Variants in PRICKLE2 observed in about 807,000 individuals in gnomAD.
PRICKLE2 encodes the protein prickle-like protein 2.
A neutral mutation model predicts 81.4 loss-of-function variants in PRICKLE2; 21 were observed. The observed-to-expected ratio is 0.26, with a 90% CI of 0.18 to 0.37. PRICKLE2 has a LOEUF of 0.37. Among genes scored for constraint, PRICKLE2 ranks in the 10% least tolerant of loss-of-function variants. The pLI, the probability that PRICKLE2 is intolerant of heterozygous loss-of-function variation, is 1.00. For missense variants in PRICKLE2, 940 were observed against 1,109.0 expected, an observed-to-expected ratio of 0.85 and a Z score of 2.16; for synonymous variants, 456 against 421.5, an observed-to-expected ratio of 1.08 and a Z score of -1.00.
At chr3:64,218,130 C>A (rs1468187861) in intron 1 of PRICKLE2, among the ~76,000 whole-genome samples, 1 of 152,114 alleles carries the variant, frequency 6.6e-6, no homozygotes, top group Non-Finnish European at 1.5e-5. Context: ...ATAGCCAAAA[C>A]CTCAGTTAAC....
chr3:64,178,191 T>C (rs1559558946), intron 2 of PRICKLE2, among the ~76,000 whole-genome samples: 2 of 152,234 alleles, frequency 1.3e-5, no homozygotes, highest in African/African-American at 4.8e-5. Flanking sequence ...CAGCCGACCG[T>C]ATATTGTCTT....
intron 2 of PRICKLE2, among the ~76,000 whole-genome samples, chr3:64,250,359 G>T (rs1270380674): frequency 1.3e-5 from 2 of 152,192 alleles, no homozygotes; most frequent in Non-Finnish European, 2.9e-5. Context: ...GACAATAAAA[G>T]ATGTCTCCAG....
chr3:64,115,102 G>C (rs1222435459), intron 7 of PRICKLE2, among the ~76,000 whole-genome samples: 1 of 152,100 alleles, frequency 6.6e-6, no homozygotes, highest in Non-Finnish European at 1.5e-5. Flanking sequence ...GCCAAACTAA[G>C]ATTCATAAGC....
chr3:64,106,956 A>G (rs2076765895), intron 7 of PRICKLE2, among the ~76,000 whole-genome samples: 2 of 152,248 alleles, frequency 1.3e-5, no homozygotes, highest in African/African-American at 4.8e-5. Context: ...TTCCCTCTCA[A>G]GCAGAGCTCT....
In PRICKLE2 at chr3:64,095,352, G is replaced by A. The variant is rs1044740155; in HGVS notation, c.*3699C>T. 4 of 152,114 alleles carry A rather than the reference G, an allele frequency of 2.6e-5. No homozygotes were observed. Among genetic ancestry groups the A allele is most frequent in the Non-Finnish European group, 4.4e-5 (3 of 68,020 alleles). The allele number at this position is 152,114 out of a possible 1,614,324, so 9.4% of individuals were successfully genotyped here. ...GCTTCCTAAACTGTTTTTGTTCTAC[G>A]GCAAGAGAACCAAGAGTGGAAAGAC... On this transcript the variant is annotated 3_prime_UTR_variant, in exon 8 of 8. Transcript: ENST00000638394.
At chr3:64,256,557 C>A (rs2107185178) in intron 2 of PRICKLE2, among the ~76,000 whole-genome samples, 1 of 152,242 alleles carries the variant, frequency 6.6e-6, no homozygotes, top group Admixed American at 6.5e-5. Flanking sequence ...TGCTGCTGAT[C>A]ATAAAGAAAA....
intron 1 of PRICKLE2, among the ~76,000 whole-genome samples, chr3:64,214,946 T>C (rs1435641861): frequency 6.6e-6 from 1 of 152,116 alleles, no homozygotes; most frequent in Non-Finnish European, 1.5e-5. Context: ...CACCTCTATC[T>C]TTACTATCCT....
intron 7 of PRICKLE2, among the ~76,000 whole-genome samples, chr3:64,142,905 T>C (rs2077385908): frequency 6.6e-6 from 1 of 152,180 alleles, no homozygotes; most frequent in Admixed American, 6.5e-5. Flanking sequence ...AATTGAGTTT[T>C]GCAGAGTTTA....
intron 5 of PRICKLE2, among the ~76,000 whole-genome samples, chr3:64,155,546 CAA>C (rs1346583698): frequency 6.6e-6 from 1 of 152,126 alleles, no homozygotes; most frequent in African/African-American, 2.4e-5. Context: ...GGTATACACT[CAA>C]GAGAACTAAA....
rs545276031 is a variant in PRICKLE2, at chr3:64,127,654, G to A, written c.1660+19176C>T. ...TGGGGAGCTCTTCTGCCTCCCAGGT[G>A]CAAAAGCAAGACTGTACCCAGCGTC... On this transcript the variant is annotated intron_variant, in intron 7 of 7. Transcript: ENST00000638394. 2.6e-5 allele frequency among the ~76,000 whole-genome samples: 4 copies of A among 152,094 alleles called. No individual in the cohort carries two copies. The South Asian group carries it at 8.3e-4, about 32-fold the overall frequency.
At chr3:64,202,614 T>C (rs2078604618) in intron 1 of PRICKLE2, among the ~76,000 whole-genome samples, 3 of 150,146 alleles carry the variant, frequency 2.0e-5, no homozygotes, top group African/African-American at 7.3e-5. Context: ...TAAAATCATT[T>C]ATTAGTTGTA....
chr3:64,205,971 T>C (rs1217657126), intron 1 of PRICKLE2, among the ~76,000 whole-genome samples: 2 of 152,196 alleles, frequency 1.3e-5, no homozygotes, highest in Admixed American at 6.5e-5. Flanking sequence ...AAGTCATTTC[T>C]AGCATGTGCC....
At chr3:64,140,707 G>A (rs1341547061) in intron 7 of PRICKLE2, among the ~76,000 whole-genome samples, 1 of 152,160 alleles carries the variant, frequency 6.6e-6, no homozygotes, top group African/African-American at 2.4e-5. Context: ...CCAGGCACCA[G>A]CCCCTGGACC....
At chr3:64,133,463 C>T (rs2077228613) in intron 7 of PRICKLE2, among the ~76,000 whole-genome samples, 1 of 152,118 alleles carries the variant, frequency 6.6e-6, no homozygotes, top group African/African-American at 2.4e-5. Flanking sequence ...ACTGTACTCT[C>T]CTCATTGTCT....
At chr3:64,164,261 C>T (rs558044755) in intron 2 of PRICKLE2, among the ~76,000 whole-genome samples, 98 of 152,286 alleles carry the variant, frequency 6.4e-4, no homozygotes, top group African/African-American at 2.1e-3. Flanking sequence ...CCTGTAATCC[C>T]AGCTACTCAG....
rs928045552 is a variant in PRICKLE2, at chr3:64,145,285, A to T, written c.1660+1545T>A. ...CAGCTAATTTATATATATATATATAATATATTTGTATATATTATATCATAT... is the reference window on the plus strand; with the variant it reads ...CAGCTAATTTATATATATATATATATTATATTTGTATATATTATATCATAT... On this transcript the variant is annotated intron_variant, in intron 7 of 7. Coordinates refer to ENST00000638394, the MANE Select transcript of PRICKLE2 (RefSeq NM_198859.4). 9.6e-5 allele frequency: 14 copies of T among 146,290 alleles called. No individual in the cohort carries two copies. In the Admixed American group the frequency reaches 9.7e-4, roughly 10 times the overall value. 9.1% of individuals were successfully genotyped at this position (146,290 alleles called of 1,614,324 possible). A position where few individuals can be genotyped will look rare whatever the true frequency, so the allele number is the denominator to read the frequency against.
At chr3:64,115,098 C>T (rs1248317869) in intron 7 of PRICKLE2, among the ~76,000 whole-genome samples, 1 of 152,118 alleles carries the variant, frequency 6.6e-6, no homozygotes, top group Non-Finnish European at 1.5e-5. Flanking sequence ...TCCGGCCAAA[C>T]TAAGATTCAT....
chr3:64,116,033 C>G (rs2076929175), intron 7 of PRICKLE2, among the ~76,000 whole-genome samples: 1 of 152,020 alleles, frequency 6.6e-6, no homozygotes, highest in Non-Finnish European at 1.5e-5. Context: ...GAAATCAAGA[C>G]TAAGAAATTC....
At chr3:64,197,774 A>G (rs2078484636) in intron 2 of PRICKLE2, among the ~76,000 whole-genome samples, 1 of 152,154 alleles carries the variant, frequency 6.6e-6, no homozygotes, top group Admixed American at 6.5e-5. Context: ...TGGGTGATGA[A>G]ATAATCTGTA....
Sources: allele counts gnomAD v4.1 joint callset (sites outside exome capture counted in the v4.1 genomes callset), GRCh38; gene constraint gnomAD v4.1.1; transcripts MANE v1.5; gene names NCBI Gene and HGNC (gene_info 2026-07-23, HGNC 2026-07-21).